The following CTDSP1 variants were observed in gnomAD, a reference collection of about 807,000 sequenced individuals.
CTDSP1 encodes carboxy-terminal domain RNA polymerase II polypeptide A small phosphatase 1.
Under a neutral mutation model 32.5 loss-of-function variants are expected in CTDSP1, and 15 were observed. The observed-to-expected ratio is 0.46, with a 90% CI of 0.31 to 0.71. The LOEUF (loss-of-function observed/expected upper bound fraction) is 0.71, where lower values mean the gene tolerates loss of function less well. Among genes scored for constraint, CTDSP1 ranks in the 30% least tolerant of loss-of-function variants. The probability of loss-of-function intolerance (pLI) is 0.05; values close to 1 mark genes in which losing one functional copy is unlikely to be tolerated. For missense variants in CTDSP1, 294 were observed against 351.1 expected (o/e 0.84, Z 1.30); for synonymous variants, 185 against 145.4 (o/e 1.27, Z -1.96).
chr2:218,396,546 T>C (rs1476152872), upstream of CTDSP1: 3 of 152,384 alleles, frequency 2.0e-5, no homozygotes, highest in Non-Finnish European at 4.4e-5. Flanking sequence ...AAGAATTTCC[T>C]CTTTCTTAAA....
At position 218,405,386 on chromosome 2, in the gene CTDSP1, C is replaced by T. The variant is rs1214143521; in HGVS notation, c.*961C>T. On this transcript the variant is annotated 3_prime_UTR_variant, in exon 7 of 7. Coordinates refer to ENST00000273062, the MANE Select transcript of CTDSP1 (RefSeq NM_021198.3). ...CTCTGTCCCTCACACCCCTTTGCTC[C>T]GTTCATTCATTCAAAAAAACATTTC... is the stretch of plus-strand genomic sequence containing the variant. 1 of 152,592 alleles carries T rather than the reference C, an allele frequency of 6.6e-6. No homozygotes were observed. The highest frequency in any genetic ancestry group is 2.4e-5 in the African/African-American group (1 of 41,456). 9.5% of individuals were successfully genotyped at this position (152,592 alleles called of 1,614,324 possible).
chr2:218,399,602 C>G, upstream of CTDSP1: 1 of 471,916 alleles, frequency 2.1e-6, no homozygotes, highest in Non-Finnish European at 2.8e-6. Flanking sequence ...GGCGGGCGGG[C>G]CTTGGCCGAG....
chr2:218,400,259 C>A (rs754114536), intron 1 of CTDSP1, 102 bp downstream of exon 1: 4 of 1,106,954 alleles, frequency 3.6e-6, no homozygotes, highest in Non-Finnish European at 3.8e-6. Flanking sequence ...CCCGGGCGGC[C>A]GCCTTAGCTG....
At chr2:218,400,603 C>T in intron 1 of CTDSP1, 1 of 388,124 alleles carries the variant, frequency 2.6e-6, no homozygotes, top group Non-Finnish European at 5.2e-6. Context: ...GCCGAGGTGA[C>T]AGCAGGCTGG....
chr2:218,402,013 C>G, intron 2 of CTDSP1, 98 bp from the exon 3 acceptor site: 1 of 860,652 alleles, frequency 1.2e-6, no homozygotes, highest in Non-Finnish European at 1.9e-6. Flanking sequence ...TTCCTGGGGC[C>G]TGGGGTTCCT....
chr2:218,399,610 G>T (rs115942360), upstream of CTDSP1: 49,475 of 566,994 alleles, frequency 0.087, 2,301 homozygotes, highest in East Asian at 0.18. Flanking sequence ...GGCCTTGGCC[G>T]AGGGCGCTCG....
rs1460586234 is a variant in CTDSP1, at chr2:218,399,996, C to T, written c.-95C>T. ...TCGCGGGGATCCCTCCCTCCCACCC[C>T]TCCCCTCCCCCCCGCGCCCCGATTC... is the stretch of plus-strand genomic sequence containing the variant. On this transcript the variant is annotated 5_prime_UTR_variant, in exon 1 of 7. Coordinates refer to ENST00000273062, the MANE Select transcript of CTDSP1 (RefSeq NM_021198.3). 1.8e-5 allele frequency: 22 copies of T among 1,255,880 alleles called. No homozygotes were observed. Among genetic ancestry groups the T allele is most frequent in the Non-Finnish European group, 2.1e-5 (21 of 982,878 alleles). 77.8% of individuals were successfully genotyped at this position (1,255,880 alleles called of 1,614,324 possible).
At position 218,403,303 on chromosome 2, in the gene CTDSP1, C is replaced by T. The variant is rs1400528086; in HGVS notation, c.543C>T (p.Cys181=). 9.9e-6 allele frequency: 16 copies of T among 1,614,150 alleles called. No homozygotes were observed. The highest frequency in any genetic ancestry group is 1.3e-5 in the Non-Finnish European group (15 of 1,180,006). The part of the protein sequence containing the change: ...AFRARLFRES[C]VFHRGNYVKD... ...GGGCCCGGCTGTTTCGAGAGTCCTGCGTCTTCCACCGGGGGAACTACGTGA... is the reference window on the plus strand; with the variant it reads ...GGGCCCGGCTGTTTCGAGAGTCCTGTGTCTTCCACCGGGGGAACTACGTGA... Residue 181 remains cysteine, a synonymous_variant, in exon 6 of 7, where the codon TGC becomes TGT. Transcript: ENST00000273062.
At chr2:218,402,812 C>T (rs1468197708) in intron 4 of CTDSP1, 2 of 691,820 alleles carry the variant, frequency 2.9e-6, no homozygotes. Context: ...AATTAGGGAC[C>T]TCGTGAGGTA....
At chr2:218,402,671 G>A (rs1417663771) in intron 4 of CTDSP1, 3 of 766,070 alleles carry the variant, frequency 3.9e-6, no homozygotes, top group South Asian at 2.8e-5. Flanking sequence ...AGTAATTCAG[G>A]ATAGGTTGTG....
upstream of CTDSP1, chr2:218,399,078 G>A (rs1696964307): frequency 6.6e-6 from 1 of 152,274 alleles, no homozygotes; most frequent in Non-Finnish European, 1.5e-5. Context: ...GTCGACCGCG[G>A]GCAGGGGAGG....
chr2:218,401,544 C>T lies in CTDSP1; in HGVS notation c.68-20C>T, dbSNP rs757792576. 6.8e-6 allele frequency: 11 copies of T among 1,613,028 alleles called. No individual in the cohort carries two copies. The East Asian group carries it at 8.9e-5, about 13-fold the overall frequency. On this transcript the variant is annotated intron_variant, in intron 1 of 6. Transcript: ENST00000273062. ...AGGCCAGTGTGCACCGAGCCTCCAA[C>T]TTGTGCCTCCCTACTTCAGGTGACC... is the stretch of plus-strand genomic sequence containing the variant.
upstream of CTDSP1, chr2:218,398,478 G>A (rs1696934824): frequency 2.6e-6 from 4 of 1,526,102 alleles, no homozygotes; most frequent in African/African-American, 5.5e-5. Context: ...CCGGGGACCG[G>A]GGTATCAGTC....
rs750056056 is a variant in CTDSP1, at chr2:218,402,363, G to C, written c.336G>C (p.Ala112=). Residue 112 remains alanine, a synonymous_variant, in exon 4 of 7, where the codon GCG becomes GCC. Transcript: ENST00000273062. The stretch of plus-strand genomic sequence containing the variant: ...TCCCCCCACAGCCAGTGAACAACGC[G>C]GACTTCATCATCCCTGTGGAGATTG... ...VHSSFKPVNN[A]DFIIPVEIDG... 4 of 1,613,744 alleles carry C rather than the reference G, an allele frequency of 2.5e-6. No individual in the cohort carries two copies. Among genetic ancestry groups the C allele is most frequent in the Non-Finnish European group, 2.5e-6 (3 of 1,179,828 alleles).
In CTDSP1 at chr2:218,405,043, G is replaced by C. The variant is rs1050951211; in HGVS notation, c.*618G>C. The C allele has an allele frequency of 6.5e-6, 1 of 153,084 alleles. No individual in the cohort carries two copies. The highest frequency in any genetic ancestry group is 6.5e-5 in the Admixed American group (1 of 15,290). The allele number at this position is 153,084 out of a possible 1,614,324, so 9.5% of individuals were successfully genotyped here. Reference sequence around the variant, plus strand: ...GGCCCCACAGTGCAGCTTCTCCAGGGCCGACAGCTGAGGGCTGCTCCCTGC... The same window carrying C: ...GGCCCCACAGTGCAGCTTCTCCAGGCCCGACAGCTGAGGGCTGCTCCCTGC... On this transcript the variant is annotated 3_prime_UTR_variant, in exon 7 of 7. Coordinates refer to ENST00000273062, the MANE Select transcript of CTDSP1 (RefSeq NM_021198.3).
Position 218,404,185 on chromosome 2 carries a change from T to C in CTDSP1, c.658-112T>C, listed in dbSNP as rs1697300870. ...GTCAAAAAAGTTTGAACACTGTGGG[T>C]GAGGGGTTTTCAGAAACTGCATGAT... is the stretch of plus-strand genomic sequence containing the variant. On this transcript the variant is annotated intron_variant, in intron 6 of 6. Coordinates refer to ENST00000273062, the MANE Select transcript of CTDSP1 (RefSeq NM_021198.3). 6 of 1,330,732 alleles carry C rather than the reference T, an allele frequency of 4.5e-6. No homozygotes were observed. The Admixed American group carries it at 1.1e-4, about 23-fold the overall frequency. 82.4% of individuals were successfully genotyped at this position (1,330,732 alleles called of 1,614,324 possible).
rs746658218 is a variant in CTDSP1, at chr2:218,402,143, C to T, written c.249C>T (p.Ala83=). 3 of 1,613,596 alleles carry T rather than the reference C, an allele frequency of 1.9e-6. No homozygotes were observed. In the South Asian group the frequency reaches 3.3e-5, roughly 18 times the overall value. The change falls in exon 3 of 7, where the codon GCC becomes GCT. Residue 83 remains alanine (A), a synonymous_variant. Coordinates refer to ENST00000273062, the MANE Select transcript of CTDSP1 (RefSeq NM_021198.3). ...CAGTCCAATACCTGCTCCCTGAGGC[C>T]AAGGCCCAGGACTCAGACAAGATCT... ...QTPVQYLLPE[A]KAQDSDKICV...
At chr2:218,398,933 G>T (rs1367569052), upstream of CTDSP1, 6 of 152,436 alleles carry the variant, frequency 3.9e-5, no homozygotes, top group African/African-American at 1.4e-4. Context: ...GGGTGGAACG[G>T]GCCTTGAGGG....
At chr2:218,398,569 C>T, upstream of CTDSP1, 2 of 888,342 alleles carry the variant, frequency 2.3e-6, no homozygotes, top group Non-Finnish European at 3.2e-6. Flanking sequence ...GCTCCCCTCC[C>T]TTCCCCTCCC....
Sources: gnomAD v4.1 joint callset for allele counts on GRCh38, gnomAD v4.1.1 for gene constraint, MANE v1.5 for transcripts, NCBI Gene and HGNC (gene_info 2026-07-23, HGNC 2026-07-21) for gene names.